Variants in DIAPH1 observed in about 807,000 individuals in gnomAD.
The protein encoded by DIAPH1 is diaphanous related formin 1.
A neutral mutation model predicts 140.7 loss-of-function variants in DIAPH1; 46 were observed. That is an observed-to-expected ratio of 0.33 (90% CI 0.26 to 0.42). The LOEUF (loss-of-function observed/expected upper bound fraction) is 0.42. Ranked by LOEUF, DIAPH1 falls within the 10% of genes least tolerant of loss-of-function variation. DIAPH1 has a pLI of 1.00. For synonymous variants in DIAPH1, 565 were observed against 551.6 expected (o/e 1.02, Z -0.34); for missense variants, 1,310 against 1,558.7 (o/e 0.84, Z 2.69).
At chr5:141,584,778 T>C (rs930854770) in intron 3 of DIAPH1, among the ~76,000 whole-genome samples, 1 of 152,228 alleles carries the variant, frequency 6.6e-6, no homozygotes, top group African/African-American at 2.4e-5. Flanking sequence ...AAGGCTCTGC[T>C]TGATCTTTCT....
chr5:141,573,805 G>C lies in DIAPH1; in HGVS notation c.2045C>G (p.Pro682Arg), dbSNP rs1562320555. 3 of 1,511,258 alleles carry C rather than the reference G, an allele frequency of 2.0e-6. No homozygotes were observed. Among genetic ancestry groups the C allele is most frequent in the Non-Finnish European group, 2.7e-6 (3 of 1,123,516 alleles). The allele number at this position is 1,511,258 out of a possible 1,614,324, so 93.6% of individuals were successfully genotyped here. A position where few individuals can be genotyped will look rare whatever the true frequency, so the allele number is the denominator to read the frequency against. Residue 682 changes from proline to arginine, a missense_variant, in exon 16 of 28, where the codon CCT becomes CGT. By Grantham distance (103) the Pro-to-Arg change is moderately radical. This residue lies in a region of DIAPH1 where 589 missense variants were observed against 549.3 expected (regional missense o/e 1.07). Transcript: ENST00000389054. ...GTAIPPPPPL[P>R]GSARIPPPPP... The stretch of plus-strand genomic sequence containing the variant: ...TGGTGGGGGGATTCTAGCACTCCCA[G>C]GCAAAGGAGGAGGTGGGGGGATGGC...
intron 2 of DIAPH1, 37 bp downstream of exon 2, chr5:141,588,187 A>C: frequency 6.4e-7 from 1 of 1,572,136 alleles, no homozygotes; most frequent in Non-Finnish European, 8.8e-7. Flanking sequence ...GTAGGCAATG[A>C]GCTAGAACAT....
chr5:141,544,202 C>T (rs1422683220), intron 18 of DIAPH1, among the ~76,000 whole-genome samples: 1 of 151,596 alleles, frequency 6.6e-6, no homozygotes, highest in Non-Finnish European at 1.5e-5. Context: ...CCCAGCTACT[C>T]GGGAGGCTGA....
intron 1 of DIAPH1, among the ~76,000 whole-genome samples, chr5:141,594,435 A>C (rs2154596916): frequency 6.6e-6 from 1 of 152,296 alleles, no homozygotes; most frequent in Non-Finnish European, 1.5e-5. Context: ...TAAAAGAAAG[A>C]AGCTGAACTG....
chr5:141,606,556 G>A (rs967448576), intron 1 of DIAPH1, among the ~76,000 whole-genome samples: 5 of 152,004 alleles, frequency 3.3e-5, no homozygotes, highest in Admixed American at 3.3e-4. Flanking sequence ...CACCACGCCT[G>A]GATAATTTTT....
Position 141,527,699 on chromosome 5 carries a change from T to TGA in DIAPH1, c.3149-3_3149-2insTC. 8.8e-7 allele frequency: 1 copy of TGA among 1,130,080 alleles called. No individual in the cohort carries two copies. The highest frequency in any genetic ancestry group is 1.1e-6 in the Non-Finnish European group (1 of 891,156). The allele number at this position is 1,130,080 out of a possible 1,614,324, so 70.0% of individuals were successfully genotyped here. A position where few individuals can be genotyped will look rare whatever the true frequency, so the allele number is the denominator to read the frequency against. ...TCTTTTGCAAGTTTTCAGCAGAAAC[T>TGA]AAAAAAAAAAAAAAAAAAAAAAACC... On this transcript the variant is annotated splice_polypyrimidine_tract_variant and splice_region_variant and intron_variant, in intron 23 of 27. Coordinates refer to ENST00000389054, the MANE Select transcript of DIAPH1 (RefSeq NM_005219.5).
chr5:141,532,535 GCCC>G (rs2099888389), intron 19 of DIAPH1, among the ~76,000 whole-genome samples: 1 of 152,062 alleles, frequency 6.6e-6, no homozygotes, highest in Non-Finnish European at 1.5e-5. Context: ...TCTGGGATTT[GCCC>G]CTCCAACACT....
chr5:141,579,372 A>C (rs2099896415), intron 8 of DIAPH1, among the ~76,000 whole-genome samples, 176 bp from the exon 9 acceptor site: 1 of 152,200 alleles, frequency 6.6e-6, no homozygotes. Flanking sequence ...AAAGCTAAGG[A>C]CCATCTCTTC....
intron 26 of DIAPH1, among the ~76,000 whole-genome samples, chr5:141,525,203 A>C (rs2099887138): frequency 6.6e-6 from 1 of 152,222 alleles, no homozygotes; most frequent in East Asian, 1.9e-4. Flanking sequence ...CCTGGTAGCA[A>C]GAGGTATCAG....
chr5:141,552,439 T>G lies in DIAPH1; in HGVS notation c.2483-18006A>C, dbSNP rs539562514. Among the ~76,000 whole-genome samples the G allele has an allele frequency of 3.3e-5, 5 of 152,188 alleles. No homozygotes were observed. In the South Asian group the frequency reaches 1.0e-3, roughly 32 times the overall value. On this transcript the variant is annotated intron_variant, in intron 18 of 27. Transcript: ENST00000389054. ...AGAAGCAGAGGTCAGAGAAAGAGAT[T>G]TGAAGATGCTATGCTGCTGGCTTTA...
chr5:141,600,414 GA>G (rs2099899965), intron 1 of DIAPH1, among the ~76,000 whole-genome samples: 1 of 152,158 alleles, frequency 6.6e-6, no homozygotes, highest in Non-Finnish European at 1.5e-5. Flanking sequence ...ACAGAACTAT[GA>G]GCTAATAAGT....
intron 18 of DIAPH1, among the ~76,000 whole-genome samples, chr5:141,543,654 T>C (rs1298353881): frequency 6.6e-6 from 1 of 152,206 alleles, no homozygotes; most frequent in Non-Finnish European, 1.5e-5. Flanking sequence ...GTCCCGAGCA[T>C]GTTTAAGGTA....
rs1430590159 is a variant in DIAPH1, at chr5:141,584,104, G to A, written c.402+20C>T. The A allele has an allele frequency of 4.0e-6, 6 of 1,518,220 alleles. No homozygotes were observed. The highest frequency in any genetic ancestry group is 4.6e-6 in the Non-Finnish European group (5 of 1,093,402). The allele number at this position is 1,518,220 out of a possible 1,614,324, so 94.0% of individuals were successfully genotyped here. A position where few individuals can be genotyped will look rare whatever the true frequency, so the allele number is the denominator to read the frequency against. ...AAGGGCACAGTCTCCCATGTCATGGGTACCTGTCCCAGGACTCACAGCCTT... is the reference window on the plus strand; with the variant it reads ...AAGGGCACAGTCTCCCATGTCATGGATACCTGTCCCAGGACTCACAGCCTT... On this transcript the variant is annotated intron_variant, in intron 4 of 27. Transcript: ENST00000389054.
chr5:141,595,165 G>A (rs1056151160), intron 1 of DIAPH1, among the ~76,000 whole-genome samples: 1 of 152,164 alleles, frequency 6.6e-6, no homozygotes, highest in Admixed American at 6.5e-5. Context: ...CAAGGGTTGG[G>A]GGAGGCAGGT....
At chr5:141,573,236 A>T (rs1261526497) in intron 16 of DIAPH1, among the ~76,000 whole-genome samples, 1 of 151,992 alleles carries the variant, frequency 6.6e-6, no homozygotes. Flanking sequence ...GGAGATCGAG[A>T]CCATCCTGGC....
chr5:141,586,204 A>C (rs960782413), intron 3 of DIAPH1, among the ~76,000 whole-genome samples: 1 of 152,176 alleles, frequency 6.6e-6, no homozygotes, highest in Non-Finnish European at 1.5e-5. Flanking sequence ...AGGCCAAGAG[A>C]TTATCTTGAC....
chr5:141,529,859 G>T (rs1052643222), intron 19 of DIAPH1, among the ~76,000 whole-genome samples, 162 bp from the exon 20 acceptor site: 1 of 152,102 alleles, frequency 6.6e-6, no homozygotes, highest in African/African-American at 2.4e-5. Flanking sequence ...CAAGGTGGGC[G>T]GATCGCTTGA....
chr5:141,525,765 T>C (rs2099887244), intron 26 of DIAPH1, among the ~76,000 whole-genome samples: 2 of 151,956 alleles, frequency 1.3e-5, no homozygotes, highest in Non-Finnish European at 2.9e-5. Flanking sequence ...AGGAAAACAG[T>C]ATATATCACA....
intron 24 of DIAPH1, among the ~76,000 whole-genome samples, chr5:141,527,303 T>C (rs1479436266): frequency 6.6e-6 from 1 of 152,056 alleles, no homozygotes; most frequent in Non-Finnish European, 1.5e-5. Context: ...TAGTCCCAGC[T>C]ACCAAGGAGG....
Sources: allele counts gnomAD v4.1 joint callset (sites outside exome capture counted in the v4.1 genomes callset), GRCh38; gene constraint gnomAD v4.1.1; regional missense constraint gnomAD v4.1.1; transcripts MANE v1.5; gene names NCBI Gene and HGNC (gene_info 2026-07-23, HGNC 2026-07-21).